The following LSAMP variants were observed in gnomAD, a reference collection of about 807,000 sequenced individuals.
LSAMP encodes the protein limbic system-associated membrane protein.
A neutral mutation model predicts 38.6 loss-of-function variants in LSAMP; 7 were observed. The observed-to-expected ratio is 0.18, with a 90% confidence interval of 0.10 to 0.34. LSAMP has a LOEUF of 0.34. Ranked by LOEUF, LSAMP falls within the 10% of genes least tolerant of loss-of-function variation. LSAMP has a pLI of 1.00. For missense variants in LSAMP, 313 were observed against 420.0 expected (o/e 0.75, Z 2.23); for synonymous variants, 154 against 166.8 (o/e 0.92, Z 0.59).
chr3:116,436,078 C>T (rs1452907796), intron 1 of LSAMP, among the ~76,000 whole-genome samples: 2 of 152,128 alleles, frequency 1.3e-5, no homozygotes, highest in Non-Finnish European at 2.9e-5. Flanking sequence ...TGGGAATGAT[C>T]GTTGACAAAG....
chr3:116,349,475 C>CA (rs1422761957), intron 1 of LSAMP, among the ~76,000 whole-genome samples: 9 of 150,090 alleles, frequency 6.0e-5, no homozygotes, highest in Non-Finnish European at 1.0e-4. Flanking sequence ...TGACCCCCCC[C>CA]AAAAAAACTA....
intron 3 of LSAMP, among the ~76,000 whole-genome samples, chr3:116,015,592 A>C (rs1004618857): frequency 6.6e-6 from 1 of 152,172 alleles, no homozygotes; most frequent in Admixed American, 6.6e-5. Flanking sequence ...CAGAAATATA[A>C]GAAGGCATGC....
chr3:115,888,873 T>C (rs1334578981), intron 3 of LSAMP, among the ~76,000 whole-genome samples: 1 of 151,904 alleles, frequency 6.6e-6, no homozygotes, highest in Non-Finnish European at 1.5e-5. Context: ...TCCTAGTCTA[T>C]TCTAAGTCTG....
At chr3:116,325,368 G>T (rs753249894) in intron 1 of LSAMP, among the ~76,000 whole-genome samples, 4 of 151,992 alleles carry the variant, frequency 2.6e-5, no homozygotes, top group African/African-American at 4.8e-5. Context: ...TTGCTATATT[G>T]CAGTCTTATC....
At chr3:115,898,121 T>C (rs1453698612) in intron 3 of LSAMP, among the ~76,000 whole-genome samples, 1 of 152,164 alleles carries the variant, frequency 6.6e-6, no homozygotes, top group Admixed American at 6.6e-5. Context: ...GGGGAACTCT[T>C]GGCTCATTCT....
intron 1 of LSAMP, among the ~76,000 whole-genome samples, chr3:116,299,529 T>A (rs1348652038): frequency 6.6e-6 from 1 of 151,900 alleles, no homozygotes; most frequent in Non-Finnish European, 1.5e-5. Context: ...ACACTGAGAA[T>A]AATAGCAATA....
rs1033971058 is a variant in LSAMP at position 115,858,799 on chromosome 3, A to G, written c.515-6182T>C. Among the ~76,000 whole-genome samples, 8 of 152,308 alleles carry G rather than the reference A, an allele frequency of 5.3e-5. No individual in the cohort carries two copies. The East Asian group carries it at 1.3e-3, about 26-fold the overall frequency. ...AGTAAGCAAGAAAAGCAAGCTATGA[A>G]CTTCTACCTAAGAAAATTAAAGGAA... On this transcript the variant is annotated intron_variant, in intron 3 of 6. Coordinates refer to ENST00000490035, the MANE Select transcript of LSAMP (RefSeq NM_002338.5).
At chr3:116,385,087 A>G (rs949591292) in intron 1 of LSAMP, among the ~76,000 whole-genome samples, 7 of 150,150 alleles carry the variant, frequency 4.7e-5, no homozygotes, top group African/African-American at 1.7e-4. Flanking sequence ...TTCCATAGGA[A>G]ACTCAAGAAG....
At chr3:116,367,555 A>G (rs1290558149) in intron 1 of LSAMP, among the ~76,000 whole-genome samples, 1 of 141,186 alleles carries the variant, frequency 7.1e-6, no homozygotes, top group Non-Finnish European at 1.5e-5. Flanking sequence ...CCCAGGCTGG[A>G]GTGCAGTGGT....
intron 2 of LSAMP, among the ~76,000 whole-genome samples, chr3:116,083,132 C>T (rs778906235): frequency 2.6e-5 from 4 of 152,026 alleles, no homozygotes; most frequent in African/African-American, 4.8e-5. Flanking sequence ...AAAATAAAAA[C>T]GGAAGGAGCC....
At chr3:116,177,181 C>T (rs1710367851) in intron 1 of LSAMP, among the ~76,000 whole-genome samples, 1 of 152,048 alleles carries the variant, frequency 6.6e-6, no homozygotes, top group South Asian at 2.1e-4. Context: ...ACCTAAGGTG[C>T]AGTGCTTGTG....
chr3:115,856,937 A>G (rs1474663920), intron 3 of LSAMP, among the ~76,000 whole-genome samples: 1 of 152,226 alleles, frequency 6.6e-6, no homozygotes, highest in Non-Finnish European at 1.5e-5. Flanking sequence ...TTAAGAGAAT[A>G]GAGCTAAGTA....
chr3:116,086,472 C>T lies in LSAMP; in HGVS notation c.240G>A (p.Leu80=), dbSNP rs1395085358. 1 of 1,614,114 alleles carries T rather than the reference C, an allele frequency of 6.2e-7. No individual in the cohort carries two copies. Among genetic ancestry groups the T allele is most frequent in the Admixed American group, 1.7e-5 (1 of 60,018 alleles). Residue 80 remains leucine (L), a synonymous_variant, in exon 2 of 7, where the codon CTG becomes CTA. Coordinates refer to ENST00000490035, the MANE Select transcript of LSAMP (RefSeq NM_002338.5). The stretch of plus-strand genomic sequence containing the variant: ...GTTTCTCCAGCTCAACCCGTGGGTC[C>T]AGAGACCACTTGTCATGTCCAGCAA... The part of the protein sequence containing the change: ...IIFAGHDKWS[L]DPRVELEKRH...
intron 1 of LSAMP, among the ~76,000 whole-genome samples, chr3:116,300,971 TAATA>T (rs902759545): frequency 6.6e-5 from 10 of 151,924 alleles, no homozygotes; most frequent in Middle Eastern, 3.4e-3. Context: ...AAAATAAATA[TAATA>T]AATATTATTT....
intron 3 of LSAMP, among the ~76,000 whole-genome samples, chr3:115,935,577 A>G (rs932873626): frequency 6.6e-6 from 1 of 152,156 alleles, no homozygotes; most frequent in Admixed American, 6.5e-5. Context: ...CTGGGAAATG[A>G]TTTAAAAGTC....
chr3:116,193,333 T>G (rs1361028663), intron 1 of LSAMP, among the ~76,000 whole-genome samples: 2 of 152,176 alleles, frequency 1.3e-5, no homozygotes, highest in Non-Finnish European at 2.9e-5. Context: ...AGGCAGGATC[T>G]TCTTCAAAGT....
chr3:116,169,036 A>C lies in LSAMP; in HGVS notation c.156-82480T>G, dbSNP rs114556271. On this transcript the variant is annotated intron_variant, in intron 1 of 6. Transcript: ENST00000490035. The stretch of plus-strand genomic sequence containing the variant: ...GGCAACACAGCAAGACACGGTTTTC[A>C]CAAAAAATTTAAAAAACAATTAACT... Among the ~76,000 whole-genome samples the C allele has an allele frequency of 4.6e-3, 701 of 152,232 alleles. 7 individuals carry two copies. Among genetic ancestry groups the C allele is most frequent in the African/African-American group, 0.016 (673 of 41,522 alleles).
At chr3:116,222,259 A>G (rs1001540942) in intron 1 of LSAMP, among the ~76,000 whole-genome samples, 2 of 145,548 alleles carry the variant, frequency 1.4e-5, no homozygotes, top group African/African-American at 5.3e-5. Flanking sequence ...TCCCTATTTT[A>G]TGACTTCAAA....
chr3:116,317,907 A>G (rs1353436032), intron 1 of LSAMP, among the ~76,000 whole-genome samples: 2 of 151,460 alleles, frequency 1.3e-5, no homozygotes, highest in Non-Finnish European at 2.9e-5. Flanking sequence ...AGGCTGAGGT[A>G]GGCGGATCAC....
Sources: allele counts gnomAD v4.1 joint callset (sites outside exome capture counted in the v4.1 genomes callset), GRCh38; gene constraint gnomAD v4.1.1; transcripts MANE v1.5; gene names NCBI Gene and HGNC (gene_info 2026-07-23, HGNC 2026-07-21).